DENND1A: variants seen among roughly 807,000 people sequenced by gnomAD.
DENND1A encodes DENN domain containing 1A.
DENND1A carries 51 observed loss-of-function variants against 113.7 expected under a neutral mutation model. The observed-to-expected ratio is 0.45, with a 90% CI of 0.36 to 0.57. The LOEUF is 0.57. DENND1A is among the 20% of genes least tolerant of loss of function. DENND1A has a pLI of 0.00. For missense variants in DENND1A, 1,258 were observed against 1,395.9 expected, an observed-to-expected ratio of 0.90 and a Z score of 1.57; for synonymous variants, 565 against 570.8, an observed-to-expected ratio of 0.99 and a Z score of 0.14.
intron 10 of DENND1A, among the ~76,000 whole-genome samples, chr9:123,611,611 AC>A (rs1010147089): frequency 2.6e-5 from 4 of 152,232 alleles, no homozygotes; most frequent in African/African-American, 4.8e-5. Context: ...ATAATATTTA[AC>A]TAAATCTTAT....
chr9:123,750,604 G>A (rs1038472602), intron 5 of DENND1A, among the ~76,000 whole-genome samples: 1 of 152,184 alleles, frequency 6.6e-6, no homozygotes, highest in Non-Finnish European at 1.5e-5. Context: ...ACCATCCAGA[G>A]AATAACAAGA....
At position 123,543,698 on chromosome 9, in the gene DENND1A, C is replaced by T. The variant is rs370888429; in HGVS notation, c.993+13872G>A. 3.7e-4 allele frequency among the ~76,000 whole-genome samples: 56 copies of T among 152,350 alleles called. No individual in the cohort carries two copies. In the South Asian group the frequency reaches 0.011, roughly 29 times the overall value. ...CCTGCCCCCTGCTCCTGGGGAGCTC[C>T]TATTCCTCCGGTAAGGCCTTATTCC... On this transcript the variant is annotated intron_variant, in intron 13 of 23. Transcript: ENST00000394215.
intron 13 of DENND1A, among the ~76,000 whole-genome samples, chr9:123,553,776 T>A (rs1323748773): frequency 1.3e-5 from 2 of 152,270 alleles, no homozygotes; most frequent in South Asian, 2.1e-4. Context: ...CCTTTTTTTT[T>A]AAGAGTTAGT....
At chr9:123,782,260 T>C (rs1313662382) in intron 3 of DENND1A, among the ~76,000 whole-genome samples, 4 of 152,114 alleles carry the variant, frequency 2.6e-5, no homozygotes, top group Non-Finnish European at 5.9e-5. Context: ...AGTGCTCTGA[T>C]AAAAAATGTT....
chr9:123,929,732 C>T (rs1857698143), intron 1 of DENND1A, among the ~76,000 whole-genome samples, 157 bp downstream of exon 1: 1 of 150,858 alleles, frequency 6.6e-6, no homozygotes, highest in South Asian at 2.1e-4. Context: ...CTCCCTGGAT[C>T]GCCATAGCAA....
At chr9:123,784,368 C>T (rs1040042089) in intron 3 of DENND1A, among the ~76,000 whole-genome samples, 3 of 152,106 alleles carry the variant, frequency 2.0e-5, no homozygotes, top group East Asian at 1.9e-4. Context: ...GCTTGTAGAC[C>T]ATTAGGAAGA....
chr9:123,449,223 C>G (rs536912787), intron 18 of DENND1A, among the ~76,000 whole-genome samples: 2 of 152,150 alleles, frequency 1.3e-5, no homozygotes, highest in Non-Finnish European at 2.9e-5. Context: ...TCTGGCCCAC[C>G]CTTAAGAGGA....
chr9:123,595,946 G>C (rs1234750794), intron 11 of DENND1A, among the ~76,000 whole-genome samples: 1 of 152,142 alleles, frequency 6.6e-6, no homozygotes, highest in Non-Finnish European at 1.5e-5. Context: ...CTCACACTCT[G>C]ACTCTGCTGG....
At position 123,711,486 on chromosome 9, in the gene DENND1A, A is replaced by AAAATATATATATATATGTATATATGTAT. The variant is rs1318894625; in HGVS notation, c.303-34698_303-34697insATACATATATACATATATATATATATTT. Among the ~76,000 whole-genome samples, 81 of 101,760 alleles carry AAAATATATATATATATGTATATATGTAT rather than the reference A, an allele frequency of 8.0e-4. 1 individual carries two copies. Among genetic ancestry groups the AAAATATATATATATATGTATATATGTAT allele is most frequent in the African/African-American group, 2.8e-3 (75 of 27,186 alleles). The allele number at this position is 101,760 out of a possible 152,430, so 66.8% of individuals were successfully genotyped here. A position where few individuals can be genotyped will look rare whatever the true frequency, so the allele number is the denominator to read the frequency against. ...ATCTCAAAATAATAATAAATTAAAA[A>AAAATATATATATATATGTATATATGTAT]ATATATATATATATATATGTATATA... is the stretch of plus-strand genomic sequence containing the variant. On this transcript the variant is annotated intron_variant, in intron 5 of 23. Transcript: ENST00000394215.
intron 5 of DENND1A, among the ~76,000 whole-genome samples, chr9:123,719,414 A>T (rs1465159985): frequency 6.6e-6 from 1 of 152,242 alleles, no homozygotes; most frequent in Non-Finnish European, 1.5e-5. Flanking sequence ...AATCACGAAG[A>T]GAACTGAACT....
chr9:123,589,472 C>G (rs887150380), intron 11 of DENND1A, among the ~76,000 whole-genome samples: 1 of 150,364 alleles, frequency 6.7e-6, no homozygotes, highest in African/African-American at 2.5e-5. Context: ...CAAAATAGTC[C>G]TCCAAAAACC....
chr9:123,568,778 C>T (rs1000134170), intron 12 of DENND1A, among the ~76,000 whole-genome samples: 1 of 151,888 alleles, frequency 6.6e-6, no homozygotes, highest in Admixed American at 6.6e-5. Flanking sequence ...GGGATCCGGG[C>T]ATCTCCACCT....
At chr9:123,448,414 G>C (rs1289898681) in intron 18 of DENND1A, among the ~76,000 whole-genome samples, 2 of 151,832 alleles carry the variant, frequency 1.3e-5, no homozygotes, top group African/African-American at 4.9e-5. Flanking sequence ...TCTGCAGAGA[G>C]TGGATCTGAC....
chr9:123,461,286 A>G (rs1050402438), intron 13 of DENND1A, among the ~76,000 whole-genome samples: 8 of 152,212 alleles, frequency 5.3e-5, no homozygotes, highest in Non-Finnish European at 1.5e-5. Flanking sequence ...TCTCACCAGG[A>G]GCTCAAGGGG....
At chr9:123,450,668 C>T in intron 18 of DENND1A, 25 bp downstream of exon 18, 1 of 1,601,944 alleles carries the variant, frequency 6.2e-7, no homozygotes, top group Non-Finnish European at 8.5e-7. Flanking sequence ...GGTGCTTATA[C>T]ATTTTGAATA....
At chr9:123,829,082 T>G (rs1839808381) in intron 2 of DENND1A, among the ~76,000 whole-genome samples, 1 of 152,160 alleles carries the variant, frequency 6.6e-6, no homozygotes, top group Admixed American at 6.5e-5. Context: ...GATAGCTCAG[T>G]GAAGTATAAC....
chr9:123,604,716 C>T (rs1350077516), intron 11 of DENND1A, among the ~76,000 whole-genome samples: 4 of 152,168 alleles, frequency 2.6e-5, no homozygotes, highest in Non-Finnish European at 4.4e-5. Context: ...AGCCTGGTAC[C>T]GTGCCTCTGC....
intron 1 of DENND1A, among the ~76,000 whole-genome samples, chr9:123,926,626 T>A: frequency 6.9e-6 from 1 of 145,592 alleles, no homozygotes. Context: ...GTAAACCATA[T>A]AATTTGCCTT....
intron 21 of DENND1A, among the ~76,000 whole-genome samples, chr9:123,391,382 G>T (rs140276808): frequency 6.6e-6 from 1 of 152,240 alleles, no homozygotes. Flanking sequence ...TGGGCGAAAT[G>T]CTGTCCATAC....
Sources: allele counts gnomAD v4.1 joint callset (sites outside exome capture counted in the v4.1 genomes callset), GRCh38; gene constraint gnomAD v4.1.1; transcripts MANE v1.5; gene names NCBI Gene and HGNC (gene_info 2026-07-23, HGNC 2026-07-21).